The following GPC5 variants were observed in gnomAD, a reference collection of about 807,000 sequenced individuals.
GPC5 encodes glypican 5, also known as glypican-5.
A neutral mutation model predicts 53.9 loss-of-function variants in GPC5; 47 were observed. The observed-to-expected ratio is 0.87, with a 90% confidence interval of 0.69 to 1.11. GPC5 has a LOEUF of 1.11. Ranked by LOEUF, GPC5 falls within the 50% of genes most tolerant of loss-of-function variation. GPC5 has a pLI of 0.00. For missense variants in GPC5, 748 were observed against 713.1 expected, an observed-to-expected ratio of 1.05 and a Z score of -0.56; for synonymous variants, 286 against 263.3, an observed-to-expected ratio of 1.09 and a Z score of -0.84.
intron 7 of GPC5, among the ~76,000 whole-genome samples, chr13:92,364,785 C>T (rs896915214): frequency 6.6e-6 from 1 of 151,718 alleles, no homozygotes; most frequent in African/African-American, 2.4e-5. Context: ...GAATAAAAGG[C>T]ATTTTTATCT....
At chr13:92,415,943 T>C (rs1876271266) in intron 7 of GPC5, among the ~76,000 whole-genome samples, 2 of 152,192 alleles carry the variant, frequency 1.3e-5, no homozygotes, top group African/African-American at 4.8e-5. Flanking sequence ...TGAAGACATA[T>C]TTAAGCATAA....
At chr13:91,875,470 A>T (rs7328310) in intron 5 of GPC5, among the ~76,000 whole-genome samples, 2,365 of 152,302 alleles carry the variant, frequency 0.016, 32 homozygotes, top group African/African-American at 0.039. Flanking sequence ...ATTGTATTGG[A>T]TTTATAATTT....
At chr13:91,622,774 T>A (rs1174428235) in intron 2 of GPC5, among the ~76,000 whole-genome samples, 1 of 152,094 alleles carries the variant, frequency 6.6e-6, no homozygotes, top group Admixed American at 6.5e-5. Flanking sequence ...GTTGAAAGAT[T>A]GAAAGACAGC....
At chr13:91,456,640 T>G (rs180731175) in intron 2 of GPC5, among the ~76,000 whole-genome samples, 1 of 152,050 alleles carries the variant, frequency 6.6e-6, no homozygotes, top group Non-Finnish European at 1.5e-5. Context: ...ATGTAAGCAT[T>G]GTGTGGTATG....
chr13:92,524,509 A>G (rs1330530747), intron 7 of GPC5, among the ~76,000 whole-genome samples: 1 of 152,124 alleles, frequency 6.6e-6, no homozygotes, highest in Non-Finnish European at 1.5e-5. Flanking sequence ...CCATGGATAC[A>G]AAAGGCCAAC....
intron 7 of GPC5, among the ~76,000 whole-genome samples, chr13:92,332,636 CATAA>C (rs1439006795): frequency 6.6e-6 from 1 of 152,012 alleles, no homozygotes; most frequent in Non-Finnish European, 1.5e-5. Flanking sequence ...ATATAGATAA[CATAA>C]ATAAATGAAC....
chr13:91,604,313 T>C (rs993850996), intron 2 of GPC5, among the ~76,000 whole-genome samples: 3 of 146,794 alleles, frequency 2.0e-5, no homozygotes, highest in South Asian at 4.4e-4. Context: ...TAGTATTCCA[T>C]GGTGTATATG....
At chr13:91,804,640 G>A (rs994121357) in intron 5 of GPC5, among the ~76,000 whole-genome samples, 2 of 152,128 alleles carry the variant, frequency 1.3e-5, no homozygotes, top group Admixed American at 6.6e-5. Context: ...CTCATTTCCT[G>A]ATAATTCTCG....
chr13:92,417,004 AC>A (rs1483520420), intron 7 of GPC5, among the ~76,000 whole-genome samples: 1 of 152,202 alleles, frequency 6.6e-6, no homozygotes, highest in Non-Finnish European at 1.5e-5. Context: ...TTGGGACATA[AC>A]CCATTTAAGT....
At chr13:91,573,517 AT>A (rs2032019627) in intron 2 of GPC5, among the ~76,000 whole-genome samples, 1 of 152,190 alleles carries the variant, frequency 6.6e-6, no homozygotes, top group Non-Finnish European at 1.5e-5. Flanking sequence ...TTAAAAATGT[AT>A]TTAATGAGTC....
chr13:91,514,165 A>G (rs560876695), intron 2 of GPC5, among the ~76,000 whole-genome samples: 4 of 152,314 alleles, frequency 2.6e-5, no homozygotes, highest in Non-Finnish European at 4.4e-5. Context: ...TAAATTCCCA[A>G]GAGGAAAATT....
chr13:92,792,810 G>T (rs1303435710), intron 7 of GPC5, among the ~76,000 whole-genome samples: 4 of 152,080 alleles, frequency 2.6e-5, no homozygotes, highest in Non-Finnish European at 5.9e-5. Flanking sequence ...AATGGTAAAG[G>T]CATCAATTCA....
chr13:92,420,474 T>A (rs1285539766), intron 7 of GPC5, among the ~76,000 whole-genome samples: 1 of 152,148 alleles, frequency 6.6e-6, no homozygotes, highest in Non-Finnish European at 1.5e-5. Context: ...GAGGTATCCA[T>A]CCCCTCAAGC....
intron 7 of GPC5, among the ~76,000 whole-genome samples, chr13:92,389,268 A>C (rs2139321418): frequency 6.6e-6 from 1 of 152,264 alleles, no homozygotes; most frequent in East Asian, 1.9e-4. Context: ...AAATTATCAG[A>C]GAGATAAAGT....
chr13:92,261,806 T>G (rs1031618015), intron 7 of GPC5, among the ~76,000 whole-genome samples: 4 of 152,124 alleles, frequency 2.6e-5, no homozygotes, highest in Non-Finnish European at 4.4e-5. Flanking sequence ...TTAACAATAA[T>G]TATGAAAACT....
chr13:91,856,963 T>A (rs1432237717), intron 5 of GPC5, among the ~76,000 whole-genome samples: 1 of 67,858 alleles, frequency 1.5e-5, no homozygotes, highest in African/African-American at 3.4e-5. Flanking sequence ...AAGCTTTTTC[T>A]TTTTTTTTTG....
intron 6 of GPC5, among the ~76,000 whole-genome samples, chr13:92,068,980 C>T (rs188903055): frequency 3.4e-4 from 52 of 151,878 alleles, no homozygotes; most frequent in African/African-American, 1.2e-3. Flanking sequence ...ATTTTGCTTA[C>T]GTTTTCTTCT....
chr13:91,643,656 G>A (rs1303259243), intron 2 of GPC5, among the ~76,000 whole-genome samples: 2 of 152,136 alleles, frequency 1.3e-5, no homozygotes, highest in Admixed American at 6.5e-5. Flanking sequence ...GTCCAAGACC[G>A]ATCTGCTTCA....
chr13:92,698,526 A>G lies in GPC5; in HGVS notation c.1562-167756A>G, dbSNP rs562694445. ...ATTTTTTATGGCTGCATAGTATTCCATGATGTATATGTGCCACATTTTCTT... is the reference window on the plus strand; with the variant it reads ...ATTTTTTATGGCTGCATAGTATTCCGTGATGTATATGTGCCACATTTTCTT... On this transcript the variant is annotated intron_variant, in intron 7 of 7. Transcript: ENST00000377067. Among the ~76,000 whole-genome samples, 811 of 152,274 alleles carry G rather than the reference A, an allele frequency of 5.3e-3. 10 individuals are homozygous for G. The highest frequency in any genetic ancestry group is 0.019 in the African/African-American group (782 of 41,562).
Sources: allele counts gnomAD v4.1 joint callset (sites outside exome capture counted in the v4.1 genomes callset), GRCh38; gene constraint gnomAD v4.1.1; transcripts MANE v1.5; gene names NCBI Gene and HGNC (gene_info 2026-07-23, HGNC 2026-07-21).